CNTNAP5: variants seen among roughly 807,000 people sequenced by gnomAD.
The protein encoded by CNTNAP5 is contactin associated protein family member 5, also known as contactin-associated protein-like 5.
A neutral mutation model predicts 150.2 loss-of-function variants in CNTNAP5; 72 were observed. The ratio of observed to expected loss-of-function variants is 0.48; its 90% CI spans 0.40 to 0.58. The LOEUF (loss-of-function observed/expected upper bound fraction) is 0.58. CNTNAP5 is among the 20% of genes least tolerant of loss of function. The probability of loss-of-function intolerance (pLI) is 0.00; values close to 1 mark genes in which losing one functional copy is unlikely to be tolerated. For missense variants in CNTNAP5, 1,636 were observed against 1,626.2 expected (o/e 1.01, Z -0.10); for synonymous variants, 672 against 619.8 (o/e 1.08, Z -1.25).
At chr2:124,608,939 C>T (rs1677311298) in intron 11 of CNTNAP5, among the ~76,000 whole-genome samples, 2 of 150,414 alleles carry the variant, frequency 1.3e-5, no homozygotes, top group African/African-American at 2.5e-5. Context: ...GCAGACTCTA[C>T]CTCAAGAAAA....
At chr2:124,147,120 G>A (rs558010014) in intron 1 of CNTNAP5, among the ~76,000 whole-genome samples, 32 of 152,302 alleles carry the variant, frequency 2.1e-4, no homozygotes, top group African/African-American at 6.3e-4. Flanking sequence ...GGAGAAAGAC[G>A]GAGAGTTGCC....
Position 124,647,920 on chromosome 2 carries a change from C to T in CNTNAP5, c.2039C>T (p.Ala680Val), listed in dbSNP as rs746236967. The T allele has an allele frequency of 5.0e-6, 8 of 1,608,130 alleles. No homozygotes were observed. The East Asian group carries it at 6.7e-5, about 14-fold the overall frequency. The change falls in exon 13 of 24, where the codon GCC becomes GTC. Residue 680 changes from alanine to valine, a missense_variant. Transcript: ENST00000682447. ...DGSEHCEQEV[A>V]YHCRRSRLLN... ...TCTGAGCACTGTGAGCAGGAGGTGGCCTACCACTGCAGGAGGTCCCGCCTG... is the reference window on the plus strand; with the variant it reads ...TCTGAGCACTGTGAGCAGGAGGTGGTCTACCACTGCAGGAGGTCCCGCCTG...
At chr2:124,145,812 TAAAAAAA>T in intron 1 of CNTNAP5, among the ~76,000 whole-genome samples, 1 of 64,196 alleles carries the variant, frequency 1.6e-5, no homozygotes, top group South Asian at 7.3e-4. Flanking sequence ...AAAAAAACAT[TAAAAAAA>T]AAAAAAAAAG....
At chr2:124,365,619 A>C (rs1400246140) in intron 3 of CNTNAP5, among the ~76,000 whole-genome samples, 3 of 152,186 alleles carry the variant, frequency 2.0e-5, no homozygotes, top group Non-Finnish European at 2.9e-5. Context: ...GATTTGCTGT[A>C]ATTCCTTAGA....
intron 1 of CNTNAP5, among the ~76,000 whole-genome samples, chr2:124,093,569 A>AT (rs1265677526): frequency 2.0e-5 from 3 of 152,158 alleles, no homozygotes; most frequent in African/African-American, 7.2e-5. Flanking sequence ...ATGGGATCTT[A>AT]TTTTTTTAGG....
chr2:124,785,577 C>T (rs1681550073), intron 17 of CNTNAP5, among the ~76,000 whole-genome samples: 1 of 152,102 alleles, frequency 6.6e-6, no homozygotes, highest in Non-Finnish European at 1.5e-5. Flanking sequence ...GTAAATACAA[C>T]ATATGTGAAG....
intron 3 of CNTNAP5, among the ~76,000 whole-genome samples, chr2:124,272,875 A>G (rs1247337631): frequency 2.0e-5 from 3 of 152,230 alleles, no homozygotes; most frequent in African/African-American, 7.2e-5. Flanking sequence ...TGGTAAAGTA[A>G]AGAATTCAAT....
At chr2:124,295,793 GT>G (rs894046944) in intron 3 of CNTNAP5, among the ~76,000 whole-genome samples, 9 of 151,926 alleles carry the variant, frequency 5.9e-5, no homozygotes, top group African/African-American at 1.9e-4. Context: ...AGAACTGAGG[GT>G]TCCTCCCAAT....
At chr2:124,657,900 T>C (rs1351001915) in intron 13 of CNTNAP5, among the ~76,000 whole-genome samples, 2 of 152,252 alleles carry the variant, frequency 1.3e-5, no homozygotes, top group African/African-American at 4.8e-5. Flanking sequence ...GTTAACTGCT[T>C]CATCCTTCCT....
In CNTNAP5 at chr2:124,772,899, C is replaced by A. The variant is rs770341180; in HGVS notation, c.2634C>A (p.Val878=). 1 of 1,613,690 alleles carries A rather than the reference C, an allele frequency of 6.2e-7. No individual in the cohort carries two copies. Among genetic ancestry groups the A allele is most frequent in the East Asian group, 2.2e-5 (1 of 44,836 alleles). Residue 878 remains valine (V), a synonymous_variant, in exon 17 of 24, where the codon GTC becomes GTA. Transcript: ENST00000682447. ...TGAATGACAACCAATGGCACTATGT[C>A]CGGGCTGAGAGGAACCTCAAGGAGA... is the stretch of plus-strand genomic sequence containing the variant. The part of the protein sequence containing the change: ...SLLNDNQWHY[V]RAERNLKETS...
chr2:124,258,637 G>A (rs1464004517), intron 3 of CNTNAP5, among the ~76,000 whole-genome samples: 1 of 152,128 alleles, frequency 6.6e-6, no homozygotes, highest in Non-Finnish European at 1.5e-5. Flanking sequence ...TGGTTCTCTA[G>A]TGCATATGCA....
At chr2:124,509,959 C>T (rs1420181302) in intron 8 of CNTNAP5, among the ~76,000 whole-genome samples, 1 of 151,990 alleles carries the variant, frequency 6.6e-6, no homozygotes, top group African/African-American at 2.4e-5. Flanking sequence ...GTAAATAATA[C>T]AGGAGGCTGA....
chr2:124,104,581 A>C (rs1683134264), intron 1 of CNTNAP5, among the ~76,000 whole-genome samples: 1 of 152,142 alleles, frequency 6.6e-6, no homozygotes, highest in African/African-American at 2.4e-5. Context: ...CCGACTGTCA[A>C]ATCCAATGAA....
intron 13 of CNTNAP5, among the ~76,000 whole-genome samples, chr2:124,681,423 G>A (rs748079413): frequency 6.6e-6 from 1 of 152,058 alleles, no homozygotes; most frequent in Admixed American, 6.6e-5. Flanking sequence ...GTTCATGGCT[G>A]TTGCTGGTTT....
chr2:124,209,697 A>T (rs1001450037), intron 1 of CNTNAP5, among the ~76,000 whole-genome samples: 7 of 152,164 alleles, frequency 4.6e-5, no homozygotes, highest in Non-Finnish European at 1.0e-4. Context: ...TAGGAAAGTG[A>T]GTAAGATGGG....
intron 1 of CNTNAP5, among the ~76,000 whole-genome samples, chr2:124,111,473 T>C (rs952690618): frequency 1.3e-5 from 2 of 152,186 alleles, no homozygotes; most frequent in African/African-American, 4.8e-5. Flanking sequence ...CGTACACTGA[T>C]GCATATGAGC....
chr2:124,443,126 A>G (rs1310787791), intron 5 of CNTNAP5, among the ~76,000 whole-genome samples: 1 of 151,980 alleles, frequency 6.6e-6, no homozygotes, highest in Non-Finnish European at 1.5e-5. Context: ...TCCACATAAT[A>G]AAGTATCTCA....
intron 21 of CNTNAP5, among the ~76,000 whole-genome samples, chr2:124,880,651 C>T (rs941896579): frequency 6.6e-6 from 1 of 151,958 alleles, no homozygotes; most frequent in Non-Finnish European, 1.5e-5. Context: ...TTATTGAATA[C>T]CTATTATATA....
intron 11 of CNTNAP5, among the ~76,000 whole-genome samples, chr2:124,609,167 T>C (rs1677316756): frequency 2.0e-5 from 3 of 151,928 alleles, no homozygotes; most frequent in African/African-American, 7.3e-5. Flanking sequence ...CCAAGCTCAG[T>C]ATACAGTGGG....
Sources: allele counts gnomAD v4.1 joint callset (sites outside exome capture counted in the v4.1 genomes callset), GRCh38; gene constraint gnomAD v4.1.1; transcripts MANE v1.5; gene names NCBI Gene and HGNC (gene_info 2026-07-23, HGNC 2026-07-21).